ASTN2: variants seen among roughly 807,000 people sequenced by gnomAD.
ASTN2 encodes the protein astrotactin-2.
A neutral mutation model predicts 139.8 loss-of-function variants in ASTN2; 54 were observed. That is an observed-to-expected ratio of 0.39 (90% CI 0.31 to 0.48). ASTN2 has a LOEUF of 0.48. ASTN2 is among the 20% of genes least tolerant of loss of function. ASTN2 has a pLI of 0.95. For synonymous variants in ASTN2, 756 were observed against 719.5 expected, an observed-to-expected ratio of 1.05 and a Z score of -0.81; for missense variants, 1,565 against 1,725.1, an observed-to-expected ratio of 0.91 and a Z score of 1.64.
intron 19 of ASTN2, among the ~76,000 whole-genome samples, chr9:116,561,509 A>G (rs1013457063): frequency 3.9e-5 from 6 of 152,214 alleles, no homozygotes; most frequent in Non-Finnish European, 4.4e-5. Context: ...AAATCAACAC[A>G]AAGGAATTAC....
At chr9:116,516,038 G>C (rs982362004) in intron 19 of ASTN2, among the ~76,000 whole-genome samples, 2 of 152,220 alleles carry the variant, frequency 1.3e-5, no homozygotes, top group African/African-American at 4.8e-5. Flanking sequence ...CATTTGAGAA[G>C]AACTGATTTA....
intron 19 of ASTN2, among the ~76,000 whole-genome samples, chr9:116,512,183 G>A (rs1228605395): frequency 6.6e-6 from 1 of 152,178 alleles, no homozygotes; most frequent in Non-Finnish European, 1.5e-5. Context: ...ATGTGTCCCA[G>A]AGATTCTGGT....
In ASTN2 at chr9:117,214,559, G is replaced by A. The variant is rs1483625703; in HGVS notation, c.814C>T (p.Arg272Trp). Reference protein sequence around the residue: ...PQARESFRSSRLQTHNSVIGV... With the variant: ...PQARESFRSSWLQTHNSVIGV... ...ATGACGGAATTGTGGGTTTGCAGCC[G>A]GGATGAACGGAAGCTCTCCCGCGCC... is the stretch of plus-strand genomic sequence containing the variant. The change falls in exon 3 of 23, where the codon CGG becomes TGG. Residue 272 changes from arginine to tryptophan, a missense_variant. This residue lies in a region of ASTN2 where 596 missense variants were observed against 576.8 expected (regional missense o/e 1.03). Coordinates refer to ENST00000313400, the MANE Select transcript of ASTN2 (RefSeq NM_001365068.1). 2 of 1,611,996 alleles carry A rather than the reference G, an allele frequency of 1.2e-6. No homozygotes were observed. The highest frequency in any genetic ancestry group is 1.7e-6 in the Non-Finnish European group (2 of 1,178,302).
chr9:116,808,427 T>C (rs1365563989), intron 12 of ASTN2, among the ~76,000 whole-genome samples: 1 of 152,196 alleles, frequency 6.6e-6, no homozygotes. Flanking sequence ...AATTACACTA[T>C]ATATTGTTGT....
At chr9:117,350,810 G>A (rs2130879874) in intron 1 of ASTN2, among the ~76,000 whole-genome samples, 1 of 152,260 alleles carries the variant, frequency 6.6e-6, no homozygotes, top group East Asian at 1.9e-4. Flanking sequence ...GAGAAAGCTT[G>A]TCATATATGA....
chr9:117,207,217 C>T (rs540675483), intron 3 of ASTN2, among the ~76,000 whole-genome samples: 2 of 152,250 alleles, frequency 1.3e-5, no homozygotes, highest in East Asian at 3.9e-4. Flanking sequence ...CAGATATGCC[C>T]ACAGGTTGGA....
At chr9:117,168,607 C>A (rs1830720757) in intron 3 of ASTN2, among the ~76,000 whole-genome samples, 1 of 152,080 alleles carries the variant, frequency 6.6e-6, no homozygotes, top group African/African-American at 2.4e-5. Flanking sequence ...TCACCGATTT[C>A]CAGACACATA....
At chr9:116,521,690 AGAAAC>A (rs572521194) in intron 19 of ASTN2, among the ~76,000 whole-genome samples, 18 of 152,336 alleles carry the variant, frequency 1.2e-4, no homozygotes, top group African/African-American at 4.3e-4. Context: ...GCACAGCAAA[AGAAAC>A]AATCAGCAGA....
intron 2 of ASTN2, among the ~76,000 whole-genome samples, chr9:117,246,468 T>A (rs1316798469): frequency 6.6e-6 from 1 of 152,184 alleles, no homozygotes; most frequent in Non-Finnish European, 1.5e-5. Context: ...CTCTGTACAA[T>A]GGAATGAAAA....
intron 19 of ASTN2, among the ~76,000 whole-genome samples, chr9:116,593,607 A>G (rs2131737080): frequency 6.6e-6 from 1 of 152,340 alleles, no homozygotes; most frequent in African/African-American, 2.4e-5. Context: ...CTTAACTGAG[A>G]ATGAGAAGTG....
At chr9:116,578,403 T>C (rs1037070614) in intron 19 of ASTN2, among the ~76,000 whole-genome samples, 4 of 152,194 alleles carry the variant, frequency 2.6e-5, no homozygotes, top group African/African-American at 7.2e-5. Context: ...CTCACTCCTG[T>C]AACAATGTGA....
chr9:117,090,099 T>G (rs1244649268), intron 5 of ASTN2, among the ~76,000 whole-genome samples: 2 of 152,238 alleles, frequency 1.3e-5, no homozygotes, highest in Non-Finnish European at 2.9e-5. Flanking sequence ...GGGTGAAATC[T>G]GAACTAGCAC....
In ASTN2 at chr9:116,699,550, C is replaced by A; in HGVS notation, c.2806+26221G>T. ...AGTCGCAAGGAAATTCTCCATTTTC[C>A]TAAGGGTGGGGGCTATAGTGTCCTT... On this transcript the variant is annotated intron_variant, in intron 16 of 22. Coordinates refer to ENST00000313400, the MANE Select transcript of ASTN2 (RefSeq NM_001365068.1). This position sits in a 1 kb window ranked among gnomAD's most constrained non-coding sequence, Gnocchi z 4.2. 6.2e-7 allele frequency: 1 copy of A among 1,614,156 alleles called. No homozygotes were observed. The highest frequency in any genetic ancestry group is 8.5e-7 in the Non-Finnish European group (1 of 1,180,034).
chr9:117,030,522 C>G (rs967911824), intron 6 of ASTN2, among the ~76,000 whole-genome samples: 8 of 152,106 alleles, frequency 5.3e-5, no homozygotes, highest in Admixed American at 6.6e-5. Context: ...GGTTGGAAGC[C>G]AAGCTAACAT....
rs375216470 is a variant in ASTN2 at position 117,030,703 on chromosome 9, AT to A, written c.1423+9115del. Among the ~76,000 whole-genome samples, 420 of 151,382 alleles carry A rather than the reference AT, an allele frequency of 2.8e-3. 3 individuals are homozygous for A. The highest frequency in any genetic ancestry group is 9.6e-3 in the African/African-American group (397 of 41,280). Reference sequence around the variant, plus strand: ...CTATTTAAGGCAGAAAATGGCTTAAATTTTTTTTCTTCCATGGTTTTATGGA... The same window carrying A: ...CTATTTAAGGCAGAAAATGGCTTAAATTTTTTTCTTCCATGGTTTTATGGA... On this transcript the variant is annotated intron_variant, in intron 6 of 22. Transcript: ENST00000313400.
chr9:117,072,398 A>G (rs775490562), intron 5 of ASTN2, among the ~76,000 whole-genome samples: 1 of 152,200 alleles, frequency 6.6e-6, no homozygotes. Flanking sequence ...CCAAACCATC[A>G]TCTTTCAATT....
At chr9:117,196,103 CTTACTACA>C (rs779632979) in intron 3 of ASTN2, among the ~76,000 whole-genome samples, 1 of 152,136 alleles carries the variant, frequency 6.6e-6, no homozygotes, top group Non-Finnish European at 1.5e-5. Context: ...AGCTCTGCAT[CTTACTACA>C]ATAGCTCTCA....
At chr9:116,977,945 G>T (rs1001112676) in intron 7 of ASTN2, among the ~76,000 whole-genome samples, 1 of 151,990 alleles carries the variant, frequency 6.6e-6, no homozygotes, top group Non-Finnish European at 1.5e-5. Flanking sequence ...TCAAACTCCT[G>T]AACCCAAGTG....
At chr9:116,492,776 T>G (rs1849556234) in intron 19 of ASTN2, among the ~76,000 whole-genome samples, 1 of 152,184 alleles carries the variant, frequency 6.6e-6, no homozygotes, top group Non-Finnish European at 1.5e-5. Flanking sequence ...AAGCCTGGAA[T>G]TTCTGAGAAA....
Sources: allele counts gnomAD v4.1 joint callset (sites outside exome capture counted in the v4.1 genomes callset), GRCh38; gene constraint gnomAD v4.1.1; regional missense constraint gnomAD v4.1.1; non-coding constraint Gnocchi (gnomAD v3.1); transcripts MANE v1.5; gene names NCBI Gene and HGNC (gene_info 2026-07-23, HGNC 2026-07-21).